The following PIEZO1 variants were observed in gnomAD, a reference collection of about 807,000 sequenced individuals.
PIEZO1 encodes the protein piezo-type mechanosensitive ion channel component 1.
In PIEZO1, 296 loss-of-function variants were observed where a neutral mutation model predicts 297.2. The ratio of observed to expected loss-of-function variants is 1.00; its 90% CI spans 0.91 to 1.10. The LOEUF (loss-of-function observed/expected upper bound fraction) is 1.10. Ranked by LOEUF, PIEZO1 falls within the 50% of genes least tolerant of loss-of-function variation. The pLI, the probability that PIEZO1 is intolerant of heterozygous loss-of-function variation, is 0.00. For synonymous variants in PIEZO1, 2,427 were observed against 1,507.5 expected (o/e 1.61, Z -14.13); for missense variants, 5,018 against 3,455.5 (o/e 1.45, Z -11.34).
Position 88,732,552 on chromosome 16 carries a change from T to C in PIEZO1, c.2791-17A>G. On this transcript the variant is annotated splice_polypyrimidine_tract_variant and intron_variant, in intron 20 of 50. Transcript: ENST00000301015. ...CAGGTGGTTCTGCGGAGGGCAAGGG[T>C]CAGGGGGCAGCCGGGTACTCGCCCG... 1.3e-6 allele frequency: 2 copies of C among 1,544,060 alleles called. No homozygotes were observed. The highest frequency in any genetic ancestry group is 8.8e-7 in the Non-Finnish European group (1 of 1,141,988).
At chr16:88,722,110 A>G in intron 36 of PIEZO1, 44 bp from the exon 37 acceptor site, 1 of 1,530,410 alleles carries the variant, frequency 6.5e-7, no homozygotes, top group Non-Finnish European at 8.8e-7. Flanking sequence ...GGACTGCCCG[A>G]AGGCATGACG....
In PIEZO1 at chr16:88,716,399, C is replaced by G; in HGVS notation, c.7011G>C (p.Gln2337His). 1 of 1,548,538 alleles carries G rather than the reference C, an allele frequency of 6.5e-7. No individual in the cohort carries two copies. The highest frequency in any genetic ancestry group is 8.7e-7 in the Non-Finnish European group (1 of 1,145,890). Residue 2337 changes from glutamine to histidine, a missense_variant, in exon 48 of 51, where the codon CAG becomes CAC. By Grantham distance (24) the Gln-to-His change is conservative. Coordinates refer to ENST00000301015, the MANE Select transcript of PIEZO1 (RefSeq NM_001142864.4). Reference sequence around the variant, plus strand: ...AGGTGCCCTCGAGCAGGCTGGCCAGCTGCCGCCGTGCAGTGCTGTTGGGGG... The same window carrying G: ...AGGTGCCCTCGAGCAGGCTGGCCAGGTGCCGCCGTGCAGTGCTGTTGGGGG... ...ALAPNSTARRQLASLLEGTSD... is the reference protein window; with the variant it reads ...ALAPNSTARRHLASLLEGTSD...
chr16:88,734,606 C>T (rs374761578), intron 15 of PIEZO1, 44 bp downstream of exon 15: 28 of 1,548,884 alleles, frequency 1.8e-5, no homozygotes, highest in Admixed American at 3.9e-5. Context: ...GGGAAGTGCA[C>T]GGGGTTTCGG....
In PIEZO1 at chr16:88,738,705, G is replaced by C. The variant is rs776838552; in HGVS notation, c.497C>G (p.Pro166Arg). 1.9e-5 allele frequency: 29 copies of C among 1,533,530 alleles called. No homozygotes were observed. Among genetic ancestry groups the C allele is most frequent in the Admixed American group, 1.2e-4 (6 of 50,918 alleles). The allele number at this position is 1,533,530 out of a possible 1,614,324, so 95.0% of individuals were successfully genotyped here. Residue 166 changes from proline to arginine, a missense_variant, in exon 6 of 51, where the codon CCG becomes CGG. Coordinates refer to ENST00000301015, the MANE Select transcript of PIEZO1 (RefSeq NM_001142864.4). ...TGCTGCTTCCTGCAGCCCTGCCGTCGGGCTGGCATCCACATCCCTCTCATC... is the reference window on the plus strand; with the variant it reads ...TGCTGCTTCCTGCAGCCCTGCCGTCCGGCTGGCATCCACATCCCTCTCATC... ...DDDERDVDAS[P>R]TAGLQEAATL...
intron 36 of PIEZO1, 25 bp from the exon 37 acceptor site, chr16:88,722,091 G>A: frequency 6.5e-7 from 1 of 1,538,804 alleles, no homozygotes. Flanking sequence ...GCGTGTTTGG[G>A]GGAGTCTGGG....
At chr16:88,732,282 T>A in intron 21 of PIEZO1, 53 bp downstream of exon 21, 1 of 1,463,144 alleles carries the variant, frequency 6.8e-7, no homozygotes, top group Non-Finnish European at 9.3e-7. Context: ...CAGCCGTCCC[T>A]CCCTCCCGAA....
chr16:88,759,357 G>C (rs1244235426), intron 1 of PIEZO1, among the ~76,000 whole-genome samples: 4 of 152,268 alleles, frequency 2.6e-5, no homozygotes, highest in Non-Finnish European at 5.9e-5. Context: ...GCGAGGATCA[G>C]AGTTCGCGGA....
In PIEZO1 at chr16:88,722,014, C is replaced by T; in HGVS notation, c.5008G>A (p.Gly1670Ser). The T allele has an allele frequency of 2.6e-6, 4 of 1,548,648 alleles. No homozygotes were observed. The highest frequency in any genetic ancestry group is 3.5e-6 in the Non-Finnish European group (4 of 1,146,632). ...GCCCGCAGCAGCCGCAGCGCCCGGC[C>T]CTGCCCCTCCGCAAACAGCTCTGCC... ...EEAELFAEGQGRALRLLRAVY... is the reference protein window; with the variant it reads ...EEAELFAEGQSRALRLLRAVY... The change falls in exon 37 of 51, where the codon GGC becomes AGC. Residue 1670 changes from glycine (G) to serine (S), a missense_variant. By Grantham distance (56) the Gly-to-Ser change is moderately conservative. Transcript: ENST00000301015.
chr16:88,739,335 G>C (rs1205932822), intron 5 of PIEZO1: 1 of 152,630 alleles, frequency 6.6e-6, no homozygotes, highest in Non-Finnish European at 1.5e-5. Context: ...TGTTTTCCCT[G>C]GACCTGACTA....
At chr16:88,748,648 T>A (rs1385896679) in intron 2 of PIEZO1, among the ~76,000 whole-genome samples, 1 of 152,018 alleles carries the variant, frequency 6.6e-6, no homozygotes, top group African/African-American at 2.4e-5. Flanking sequence ...TTGGGGCCCA[T>A]CCACTCCCTG....
At chr16:88,725,991 G>C in intron 27 of PIEZO1, 1 of 567,344 alleles carries the variant, frequency 1.8e-6, no homozygotes, top group Admixed American at 3.3e-5. Flanking sequence ...ACCACACAGT[G>C]GCCCTCCCGC....
chr16:88,742,697 A>G, intron 2 of PIEZO1: 1 of 461,566 alleles, frequency 2.2e-6, no homozygotes, highest in Non-Finnish European at 3.9e-6. Context: ...CCAGGCTCAG[A>G]GGAAACCACC....
rs1051672760 is a variant in PIEZO1, at chr16:88,732,743, G to T, written c.2665-11C>A. 7.8e-6 allele frequency: 12 copies of T among 1,537,890 alleles called. No homozygotes were observed. The highest frequency in any genetic ancestry group is 1.1e-5 in the Non-Finnish European group (12 of 1,139,566). The stretch of plus-strand genomic sequence containing the variant: ...GCTGTTGGGGAAGGGCTGGCAAGAG[G>T]CCAGGCATCAGTGCCCCCTCCCAGG... On this transcript the variant is annotated splice_polypyrimidine_tract_variant and intron_variant, in intron 19 of 50. Transcript: ENST00000301015.
intron 29 of PIEZO1, 55 bp downstream of exon 29, chr16:88,725,361 A>G: frequency 1.9e-6 from 2 of 1,076,490 alleles, no homozygotes; most frequent in Non-Finnish European, 2.6e-6. Context: ...ACACGCCAGC[A>G]GGCACAGACA....
chr16:88,724,024 C>G lies in PIEZO1; in HGVS notation c.4235-53G>C, dbSNP rs1904306293. ...CCTTCCATGCAGGGAGACTCCCAGCCAGACCCCCTCCGCCTGCATGGGCCA... is the reference window on the plus strand; with the variant it reads ...CCTTCCATGCAGGGAGACTCCCAGCGAGACCCCCTCCGCCTGCATGGGCCA... On this transcript the variant is annotated intron_variant, in intron 30 of 50. Coordinates refer to ENST00000301015, the MANE Select transcript of PIEZO1 (RefSeq NM_001142864.4). 3 of 1,103,602 alleles carry G rather than the reference C, an allele frequency of 2.7e-6. No homozygotes were observed. In the South Asian group the frequency reaches 4.0e-5, roughly 15 times the overall value. The allele number at this position is 1,103,602 out of a possible 1,614,324, so 68.4% of individuals were successfully genotyped here. A position where few individuals can be genotyped will look rare whatever the true frequency, so the allele number is the denominator to read the frequency against.
chr16:88,736,060 TC>T, intron 12 of PIEZO1, 87 bp downstream of exon 12: 2 of 1,326,774 alleles, frequency 1.5e-6, no homozygotes, highest in Non-Finnish European at 2.0e-6. Context: ...GCGCTGCCAC[TC>T]CCCCGGGCAA....
intron 1 of PIEZO1, among the ~76,000 whole-genome samples, chr16:88,756,840 G>A (rs1211237839): frequency 6.6e-6 from 1 of 152,120 alleles, no homozygotes; most frequent in Admixed American, 6.6e-5. Flanking sequence ...ACTTTGGGAG[G>A]CCGAGGCGGG....
At chr16:88,766,582 G>A (rs3803578) in intron 1 of PIEZO1, among the ~76,000 whole-genome samples, 52,053 of 152,134 alleles carry the variant, frequency 0.34, 10,250 homozygotes, top group Middle Eastern at 0.47. Context: ...ACCTACCTCC[G>A]GGGCCCTGGG....
intron 2 of PIEZO1, chr16:88,743,749 C>T: frequency 2.4e-6 from 1 of 421,520 alleles, no homozygotes; most frequent in South Asian, 1.7e-5. Flanking sequence ...CCAGGACTCC[C>T]TGTCCGCACC....
Sources: allele counts gnomAD v4.1 joint callset (sites outside exome capture counted in the v4.1 genomes callset), GRCh38; gene constraint gnomAD v4.1.1; transcripts MANE v1.5; gene names NCBI Gene and HGNC (gene_info 2026-07-23, HGNC 2026-07-21).